Variants in TMTC2 observed in about 807,000 individuals in gnomAD.
TMTC2 encodes the protein transmembrane O-mannosyltransferase targeting cadherins 2.
TMTC2 carries 43 observed loss-of-function variants against 82.4 expected under a neutral mutation model. The ratio of observed to expected loss-of-function variants is 0.52; its 90% confidence interval spans 0.41 to 0.67. TMTC2 has a LOEUF of 0.67. TMTC2 is among the 30% of genes least tolerant of loss of function. TMTC2 has a pLI of 0.00. For missense variants in TMTC2, 919 were observed against 1,012.4 expected, an observed-to-expected ratio of 0.91 and a Z score of 1.25; for synonymous variants, 408 against 381.9, an observed-to-expected ratio of 1.07 and a Z score of -0.80.
intron 2 of TMTC2, among the ~76,000 whole-genome samples, chr12:82,879,625 T>A (rs1872734767): frequency 6.6e-6 from 1 of 152,208 alleles, no homozygotes; most frequent in Non-Finnish European, 1.5e-5. Flanking sequence ...GGATTTATAA[T>A]CAAAGGACAT....
At chr12:83,039,499 G>A (rs1174229166) in intron 9 of TMTC2, among the ~76,000 whole-genome samples, 2 of 151,744 alleles carry the variant, frequency 1.3e-5, no homozygotes, top group Non-Finnish European at 2.9e-5. Context: ...TAATATAATA[G>A]TACATTTACT....
chr12:82,774,633 AT>A (rs1211938967), intron 1 of TMTC2, among the ~76,000 whole-genome samples: 3,668 of 130,908 alleles, frequency 0.028, 78 homozygotes, highest in African/African-American at 0.062. Flanking sequence ...AAAAAGAACA[AT>A]TTTTTTTTTT....
At chr12:82,725,693 T>C (rs1345280326) in intron 1 of TMTC2, among the ~76,000 whole-genome samples, 1 of 152,154 alleles carries the variant, frequency 6.6e-6, no homozygotes, top group East Asian at 1.9e-4. Context: ...GTCAATCAGA[T>C]ACACTTGATA....
chr12:83,009,893 A>G (rs1388290547), intron 8 of TMTC2, among the ~76,000 whole-genome samples: 1 of 152,178 alleles, frequency 6.6e-6, no homozygotes, highest in African/African-American at 2.4e-5. Context: ...TAAGGAGTAC[A>G]CAACCTAGAT....
intron 11 of TMTC2, among the ~76,000 whole-genome samples, chr12:83,122,238 T>C (rs1374090465): frequency 6.6e-6 from 1 of 151,842 alleles, no homozygotes; most frequent in Non-Finnish European, 1.5e-5. Flanking sequence ...TACCCCATGC[T>C]ACCCACCTCC....
chr12:82,768,126 G>T (rs979781747), intron 1 of TMTC2, among the ~76,000 whole-genome samples: 1 of 152,150 alleles, frequency 6.6e-6, no homozygotes, highest in African/African-American at 2.4e-5. Flanking sequence ...GTACAGGAGC[G>T]CTAATTGATA....
At chr12:82,780,661 ATGTT>A (rs1038664373) in intron 1 of TMTC2, among the ~76,000 whole-genome samples, 5 of 152,164 alleles carry the variant, frequency 3.3e-5, no homozygotes, top group African/African-American at 1.2e-4. Flanking sequence ...CAACAAAAAA[ATGTT>A]TGCGTCATGA....
Position 83,132,418 on chromosome 12 carries a change from A to C in TMTC2, c.*29A>C. The stretch of plus-strand genomic sequence containing the variant: ...AGGAGGCAGAAGCCCATCCTCCTCC[A>C]TTTTTAAAAGCTGGCTTCCTTAGCA... On this transcript the variant is annotated 3_prime_UTR_variant, in exon 12 of 12. Coordinates refer to ENST00000321196, the MANE Select transcript of TMTC2 (RefSeq NM_152588.3). The C allele has an allele frequency of 6.2e-7, 1 of 1,609,058 alleles. No individual in the cohort carries two copies. Among genetic ancestry groups the C allele is most frequent in the Non-Finnish European group, 8.5e-7 (1 of 1,178,540 alleles).
chr12:82,801,979 G>A (rs1467569579), intron 1 of TMTC2, among the ~76,000 whole-genome samples: 5 of 152,174 alleles, frequency 3.3e-5, no homozygotes, highest in African/African-American at 1.2e-4. Flanking sequence ...GCTTCACCCA[G>A]TGGATCCTGC....
At chr12:82,952,761 C>T (rs550629380) in intron 4 of TMTC2, among the ~76,000 whole-genome samples, 16 of 152,130 alleles carry the variant, frequency 1.1e-4, no homozygotes, top group Middle Eastern at 3.4e-3. Context: ...TTAGTAGAGA[C>T]GAGGTTTCAC....
intron 3 of TMTC2, among the ~76,000 whole-genome samples, chr12:82,910,811 G>A (rs1874597430): frequency 6.6e-6 from 1 of 151,912 alleles, no homozygotes; most frequent in Non-Finnish European, 1.5e-5. Flanking sequence ...CTGCAGATGT[G>A]TTCCTCTTGC....
chr12:82,745,893 A>G (rs1358817591), intron 1 of TMTC2, among the ~76,000 whole-genome samples: 1 of 152,122 alleles, frequency 6.6e-6, no homozygotes, highest in African/African-American at 2.4e-5. Flanking sequence ...AGTACTGCAA[A>G]ATGATTGAGA....
At chr12:82,755,975 C>A (rs910946830) in intron 1 of TMTC2, among the ~76,000 whole-genome samples, 3 of 151,972 alleles carry the variant, frequency 2.0e-5, no homozygotes, top group African/African-American at 7.3e-5. Context: ...ACATCAGATG[C>A]CTGTGTCTAG....
intron 1 of TMTC2, among the ~76,000 whole-genome samples, chr12:82,817,925 C>T (rs901648446): frequency 2.0e-5 from 3 of 152,040 alleles, no homozygotes; most frequent in Non-Finnish European, 4.4e-5. Context: ...TTTTAGGGCT[C>T]TAATTTCTAT....
At chr12:82,710,412 C>G (rs1307357132) in intron 1 of TMTC2, among the ~76,000 whole-genome samples, 2 of 152,110 alleles carry the variant, frequency 1.3e-5, no homozygotes, top group Non-Finnish European at 2.9e-5. Flanking sequence ...CTCTTTAGAT[C>G]TGGCTGTCAT....
chr12:82,990,572 C>G (rs1378995120), intron 8 of TMTC2, among the ~76,000 whole-genome samples: 1 of 151,928 alleles, frequency 6.6e-6, no homozygotes, highest in East Asian at 1.9e-4. Flanking sequence ...TGTTTTTTCT[C>G]TATACTTCAT....
intron 1 of TMTC2, among the ~76,000 whole-genome samples, chr12:82,758,404 A>G (rs1426438116): frequency 6.6e-6 from 1 of 152,172 alleles, no homozygotes; most frequent in Non-Finnish European, 1.5e-5. Flanking sequence ...ATTCTACAAT[A>G]TGACTCACAA....
intron 3 of TMTC2, among the ~76,000 whole-genome samples, chr12:82,910,479 T>TA (rs1255393991): frequency 6.6e-6 from 1 of 152,202 alleles, no homozygotes; most frequent in Non-Finnish European, 1.5e-5. Flanking sequence ...TCCTTTAGTT[T>TA]AGCCCTCTAT....
chr12:82,815,452 A>G (rs1020589652), intron 1 of TMTC2, among the ~76,000 whole-genome samples: 9 of 151,660 alleles, frequency 5.9e-5, no homozygotes, highest in African/African-American at 2.2e-4. Context: ...CTGGGACTAC[A>G]GGCGCCCGCC....
Sources: allele counts gnomAD v4.1 joint callset (sites outside exome capture counted in the v4.1 genomes callset), GRCh38; gene constraint gnomAD v4.1.1; transcripts MANE v1.5; gene names NCBI Gene and HGNC (gene_info 2026-07-23, HGNC 2026-07-21).